The following ADGRL3 variants were observed in gnomAD, a reference collection of about 807,000 sequenced individuals.
ADGRL3 encodes calcium-independent alpha-latrotoxin receptor 3.
In ADGRL3, 62 loss-of-function variants were observed where a neutral mutation model predicts 153.5. That is an observed-to-expected ratio of 0.40 (90% confidence interval 0.33 to 0.50). The LOEUF (loss-of-function observed/expected upper bound fraction) is 0.50. Among genes scored for constraint, ADGRL3 ranks in the 20% least tolerant of loss-of-function variants. The pLI is 0.47. For missense variants in ADGRL3, 1,641 were observed against 1,859.4 expected (o/e 0.88, Z 2.16); for synonymous variants, 710 against 672.5 (o/e 1.06, Z -0.86).
chr4:61,827,889 G>T (rs1404875091), intron 9 of ADGRL3, among the ~76,000 whole-genome samples: 1 of 125,526 alleles, frequency 8.0e-6, no homozygotes, highest in Non-Finnish European at 1.6e-5. Context: ...GTTCCTTTCA[G>T]TCTATAAAAG....
chr4:62,054,027 C>CA lies in ADGRL3; in HGVS notation c.3814+9479dup, dbSNP rs762577139. Among the ~76,000 whole-genome samples the CA allele has an allele frequency of 3.5e-4, 53 of 151,636 alleles. 1 individual carries two copies. The highest frequency in any genetic ancestry group is 7.0e-4 in the Non-Finnish European group (47 of 67,600). Reference sequence around the variant, plus strand: ...ATAAATATAGCTATAGGATTGACTACATACCATTAGCAGACTATCAAATAA... The same window carrying CA: ...ATAAATATAGCTATAGGATTGACTACAATACCATTAGCAGACTATCAAATAA... On this transcript the variant is annotated intron_variant, in intron 25 of 26. Transcript: ENST00000683033.
At chr4:61,213,414 T>A (rs1224055869) in intron 1 of ADGRL3, among the ~76,000 whole-genome samples, 4 of 152,170 alleles carry the variant, frequency 2.6e-5, no homozygotes, top group Non-Finnish European at 4.4e-5. Context: ...TCCCAATCTT[T>A]CTTCCTAGTA....
At chr4:61,254,156 C>T (rs960121312) in intron 1 of ADGRL3, among the ~76,000 whole-genome samples, 1 of 152,074 alleles carries the variant, frequency 6.6e-6, no homozygotes, top group Non-Finnish European at 1.5e-5. Context: ...TAGAGGAGTT[C>T]ATTTACATTC....
At chr4:61,304,981 C>G (rs1308635575) in intron 1 of ADGRL3, among the ~76,000 whole-genome samples, 1 of 152,120 alleles carries the variant, frequency 6.6e-6, no homozygotes, top group Non-Finnish European at 1.5e-5. Flanking sequence ...GAGACTACTG[C>G]TCAAGATATA....
chr4:61,293,992 C>G (rs1395668968), intron 1 of ADGRL3, among the ~76,000 whole-genome samples: 1 of 127,952 alleles, frequency 7.8e-6, no homozygotes, highest in East Asian at 2.3e-4. Flanking sequence ...CCTTCTGAGA[C>G]CTACACTGGT....
intron 2 of ADGRL3, among the ~76,000 whole-genome samples, chr4:61,388,094 T>G (rs1333237715): frequency 6.6e-6 from 1 of 152,078 alleles, no homozygotes; most frequent in Non-Finnish European, 1.5e-5. Flanking sequence ...TCTCCCACTA[T>G]CAGCTCTGGG....
At chr4:61,694,470 ATT>A (rs2095605098) in intron 6 of ADGRL3, among the ~76,000 whole-genome samples, 2 of 152,146 alleles carry the variant, frequency 1.3e-5, no homozygotes, top group African/African-American at 4.8e-5. Flanking sequence ...GCTATAGTCT[ATT>A]AAGTGTGCAG....
At chr4:61,246,218 C>T (rs1421657690) in intron 1 of ADGRL3, among the ~76,000 whole-genome samples, 2 of 151,996 alleles carry the variant, frequency 1.3e-5, no homozygotes, top group Admixed American at 6.6e-5. Flanking sequence ...AGCTGCCAAG[C>T]TTCTGGTTCT....
At chr4:61,436,072 A>C (rs1321266597) in intron 2 of ADGRL3, among the ~76,000 whole-genome samples, 1 of 152,196 alleles carries the variant, frequency 6.6e-6, no homozygotes, top group Non-Finnish European at 1.5e-5. Flanking sequence ...CCATGTTTAC[A>C]AAACCATTTA....
intron 5 of ADGRL3, among the ~76,000 whole-genome samples, chr4:61,600,307 CAAA>C (rs60557691): frequency 1.6e-5 from 1 of 61,778 alleles, no homozygotes; most frequent in South Asian, 9.1e-4. Flanking sequence ...GGCTGCCTTG[CAAA>C]AAAAAAAAAA....
At chr4:61,338,762 T>C (rs1451153543) in intron 1 of ADGRL3, among the ~76,000 whole-genome samples, 1 of 152,318 alleles carries the variant, frequency 6.6e-6, no homozygotes, top group Non-Finnish European at 1.5e-5. Context: ...TGTTTTTCCA[T>C]TCATCATTCA....
At chr4:61,725,803 C>G (rs2096324385) in intron 6 of ADGRL3, among the ~76,000 whole-genome samples, 1 of 152,038 alleles carries the variant, frequency 6.6e-6, no homozygotes, top group African/African-American at 2.4e-5. Flanking sequence ...AACTGTGTTT[C>G]ATTGAGTTTG....
At chr4:61,392,881 T>G (rs1439497425) in intron 2 of ADGRL3, among the ~76,000 whole-genome samples, 1 of 151,566 alleles carries the variant, frequency 6.6e-6, no homozygotes, top group Non-Finnish European at 1.5e-5. Context: ...ATTGGGAATA[T>G]GAACCAAATA....
At chr4:61,618,481 G>A (rs1307468472) in intron 5 of ADGRL3, among the ~76,000 whole-genome samples, 1 of 152,068 alleles carries the variant, frequency 6.6e-6, no homozygotes. Flanking sequence ...TCTGATCTGG[G>A]CCTACTAGGC....
At chr4:61,819,318 A>G (rs2097724355) in intron 9 of ADGRL3, among the ~76,000 whole-genome samples, 1 of 151,784 alleles carries the variant, frequency 6.6e-6, no homozygotes, top group African/African-American at 2.4e-5. Flanking sequence ...TTTTTTTGTG[A>G]GATTATATAG....
chr4:61,500,662 T>C lies in ADGRL3; in HGVS notation c.55+3314T>C, dbSNP rs116451767. On this transcript the variant is annotated intron_variant, in intron 3 of 26. Coordinates refer to ENST00000683033, the MANE Select transcript of ADGRL3 (RefSeq NM_001387552.1). ...CTTGACCATTGGGAATTAATTCTTC[T>C]GGGTAATGATCTGAATTGCTATCCC... Among the ~76,000 whole-genome samples the C allele has an allele frequency of 3.3e-3, 504 of 152,320 alleles. 3 individuals are homozygous for C. Among genetic ancestry groups the C allele is most frequent in the Non-Finnish European group, 5.1e-3 (349 of 68,020 alleles).
At chr4:61,539,312 T>C (rs965321536) in intron 4 of ADGRL3, among the ~76,000 whole-genome samples, 4 of 152,196 alleles carry the variant, frequency 2.6e-5, no homozygotes, top group African/African-American at 9.6e-5. Flanking sequence ...TCTGTAACAG[T>C]GGGTTGGGGA....
chr4:61,339,560 C>G (rs1402016200), intron 1 of ADGRL3, among the ~76,000 whole-genome samples: 1 of 152,166 alleles, frequency 6.6e-6, no homozygotes, highest in East Asian at 1.9e-4. Flanking sequence ...AGGTTGAGTT[C>G]ATTGCCATCA....
At chr4:61,601,205 C>T (rs541397275) in intron 5 of ADGRL3, among the ~76,000 whole-genome samples, 11 of 152,074 alleles carry the variant, frequency 7.2e-5, no homozygotes, top group East Asian at 3.9e-4. Context: ...TTACCGAATG[C>T]GCCAAAAATC....
Sources: allele counts gnomAD v4.1 joint callset (sites outside exome capture counted in the v4.1 genomes callset), GRCh38; gene constraint gnomAD v4.1.1; transcripts MANE v1.5; gene names NCBI Gene and HGNC (gene_info 2026-07-23, HGNC 2026-07-21).